The following PLAC1 variants were observed in gnomAD, a reference collection of about 807,000 sequenced individuals.
The protein encoded by PLAC1 is placenta-specific protein 1.
For missense variants in PLAC1, 136 were observed against 163.2 expected, an observed-to-expected ratio of 0.83 and a Z score of 0.91; for synonymous variants, 68 against 62.1, an observed-to-expected ratio of 1.09 and a Z score of -0.44.
chrX:134,687,845 T>G (rs1292337522), intron 2 of PLAC1, among the ~76,000 whole-genome samples: 2 of 77,769 alleles, frequency 2.6e-5, no homozygotes, highest in Non-Finnish European at 4.7e-5. Flanking sequence ...TATATATATA[T>G]ATATATATAT....
At chrX:134,674,134 C>T (rs1274453487) in intron 2 of PLAC1, among the ~76,000 whole-genome samples, 4 of 112,528 alleles carry the variant, frequency 3.6e-5, no homozygotes, top group Non-Finnish European at 5.6e-5. Flanking sequence ...TAGGATATGG[C>T]CCTTTTATGA....
intron 1 of PLAC1, among the ~76,000 whole-genome samples, chrX:134,654,692 C>T (rs991265381): frequency 8.9e-6 from 1 of 112,203 alleles, no homozygotes; most frequent in African/African-American, 3.2e-5. Context: ...GCCATGTTGG[C>T]AGACCTAGGC....
chrX:134,689,804 CT>C (rs1228330227), intron 2 of PLAC1, among the ~76,000 whole-genome samples: 1 of 112,146 alleles, frequency 8.9e-6, no homozygotes, highest in East Asian at 2.8e-4. Flanking sequence ...TCCGTCTCTA[CT>C]TTTACCAACT....
chrX:134,638,638 A>G (rs1241884877), intron 1 of PLAC1, among the ~76,000 whole-genome samples: 1 of 111,359 alleles, frequency 9.0e-6, no homozygotes, highest in Non-Finnish European at 1.9e-5. Context: ...TTTCTCCTGA[A>G]GCTCTCTGCT....
chrX:134,681,830 C>T (rs1459350374), intron 2 of PLAC1, among the ~76,000 whole-genome samples: 2 of 111,527 alleles, frequency 1.8e-5, no homozygotes, highest in African/African-American at 6.5e-5. Flanking sequence ...ACCAAGACAC[C>T]ATGGAAAAAT....
rs145725613 is a variant in PLAC1, at chrX:134,617,887, T to C, written c.-130-15765A>G. 4.8e-3 allele frequency among the ~76,000 whole-genome samples: 540 copies of C among 112,354 alleles called. 2 individuals are homozygous for C. The highest frequency in any genetic ancestry group is 0.017 in the African/African-American group (515 of 30,924). On this transcript the variant is annotated intron_variant, in intron 1 of 2. Transcript: ENST00000359237. The stretch of plus-strand genomic sequence containing the variant: ...TACAAACCACTGCATTTTCACAAAG[T>C]CCTTAAAACTTCTGGACCTGCTTGT...
At chrX:134,651,752 C>T (rs917980556) in intron 1 of PLAC1, among the ~76,000 whole-genome samples, 1 of 102,984 alleles carries the variant, frequency 9.7e-6, no homozygotes, top group Admixed American at 1.0e-4. Flanking sequence ...CCTCTGTCCT[C>T]CTCATGCCCT....
intron 2 of PLAC1, among the ~76,000 whole-genome samples, chrX:134,717,863 C>T (rs2078647741): frequency 8.9e-6 from 1 of 112,021 alleles, no homozygotes; most frequent in Admixed American, 9.5e-5. Flanking sequence ...ATGTCACACA[C>T]TCTATTTCAA....
intron 2 of PLAC1, among the ~76,000 whole-genome samples, chrX:134,666,917 G>A (rs2078439291): frequency 8.9e-6 from 1 of 112,229 alleles, no homozygotes; most frequent in Non-Finnish European, 1.9e-5. Flanking sequence ...AGGGCATCAA[G>A]ACAATTCAAT....
chrX:134,674,885 T>C (rs1481130868), intron 2 of PLAC1, among the ~76,000 whole-genome samples: 2 of 112,687 alleles, frequency 1.8e-5, no homozygotes, highest in Non-Finnish European at 3.8e-5. Flanking sequence ...GAACTCGGCC[T>C]AAGCTCTGCT....
intron 1 of PLAC1, among the ~76,000 whole-genome samples, chrX:134,645,019 C>T (rs755733649): frequency 1.9e-4 from 21 of 111,544 alleles, no homozygotes; most frequent in Admixed American, 6.7e-4. Context: ...GTCTAAACTC[C>T]TCCAGTTGGT....
At chrX:134,611,410 C>G (rs957255578) in intron 1 of PLAC1, among the ~76,000 whole-genome samples, 9 of 108,552 alleles carry the variant, frequency 8.3e-5, no homozygotes, top group Admixed American at 1.0e-4. Context: ...TATTAGCTGT[C>G]TGACCTAGAG....
In PLAC1 at chrX:134,721,624, G is replaced by A. The variant is rs191350021; in HGVS notation, n.174+11811C>T. On this transcript the variant is annotated intron_variant and non_coding_transcript_variant, in intron 2 of 2. Coordinates refer to the PLAC1 transcript ENST00000466797. ...TCACACCTGTAATCCCAGCACTTTG[G>A]GAGGCCAAGGCGGGTGGATCACAAG... is the stretch of plus-strand genomic sequence containing the variant. Among the ~76,000 whole-genome samples the A allele has an allele frequency of 7.3e-4, 81 of 110,243 alleles. 1 individual carries two copies. Among genetic ancestry groups the A allele is most frequent in the Non-Finnish European group, 3.4e-4 (18 of 52,839 alleles).
chrX:134,676,473 C>T (rs751771573), intron 2 of PLAC1, among the ~76,000 whole-genome samples: 1 of 112,098 alleles, frequency 8.9e-6, no homozygotes, highest in East Asian at 2.8e-4. Flanking sequence ...AAGAGGGTCT[C>T]CCACTTTAAG....
intron 2 of PLAC1, among the ~76,000 whole-genome samples, chrX:134,571,652 C>T (rs1187171363): frequency 9.0e-6 from 1 of 111,260 alleles, no homozygotes; most frequent in Non-Finnish European, 1.9e-5. Context: ...TCTCAGGACC[C>T]CAAAAAAATC....
rs138929509 is a variant in PLAC1, at chrX:134,692,680, C to T, written n.174+40755G>A. On this transcript the variant is annotated intron_variant and non_coding_transcript_variant, in intron 2 of 2. Coordinates refer to the PLAC1 transcript ENST00000466797. ...GCTTTTGGTGCTCCAATTAGGCATG[C>T]CCATAATCAATCATTGAGTTAACTC... Among the ~76,000 whole-genome samples the T allele has an allele frequency of 1.0e-3, 115 of 112,055 alleles. No individual in the cohort carries two copies. The East Asian group carries it at 0.026, about 25-fold the overall frequency.
chrX:134,619,434 C>T (rs977830610), intron 1 of PLAC1, among the ~76,000 whole-genome samples: 15 of 110,813 alleles, frequency 1.4e-4, no homozygotes, highest in African/African-American at 4.6e-4. Context: ...GAGCAGATCA[C>T]GAGGTCAGGA....
At chrX:134,696,855 C>T (rs1214619927) in intron 2 of PLAC1, among the ~76,000 whole-genome samples, 1 of 109,065 alleles carries the variant, frequency 9.2e-6, no homozygotes, top group East Asian at 2.9e-4. Context: ...TGTGAAAACC[C>T]ATCTCTACTA....
At chrX:134,704,861 C>T (rs1217619246) in intron 2 of PLAC1, among the ~76,000 whole-genome samples, 55 of 101,002 alleles carry the variant, frequency 5.4e-4, no homozygotes, top group African/African-American at 1.8e-3. Context: ...GACGTGGTGG[C>T]GTGTGTCTGT....
Sources: gnomAD v4.1 joint callset for allele counts (sites outside exome capture counted in the v4.1 genomes callset) on GRCh38, gnomAD v4.1.1 for gene constraint, MANE v1.5 for transcripts, NCBI Gene and HGNC (gene_info 2026-07-23, HGNC 2026-07-21) for gene names.